The following OR2L13 variants were observed in gnomAD, a reference collection of about 807,000 sequenced individuals.
OR2L13 encodes the protein olfactory receptor 2L13.
A neutral mutation model predicts 15.3 loss-of-function variants in OR2L13; 14 were observed. That is an observed-to-expected ratio of 0.91 (90% CI 0.60 to 1.43). The LOEUF is 1.43. OR2L13 is among the 40% of genes most tolerant of loss of function. The pLI is 0.00. For missense variants in OR2L13, 367 were observed against 387.9 expected (o/e 0.95, Z 0.45); for synonymous variants, 152 against 142.9 (o/e 1.06, Z -0.45).
At chr1:248,009,905 A>G in the OR2L13 span, among the ~76,000 whole-genome samples, 1 of 152,198 alleles carries the variant, frequency 6.6e-6, no homozygotes, top group Non-Finnish European at 1.5e-5. Context: ...AACAGAACTA[A>G]TGACAAAACC....
chr1:248,090,741 G>A (rs1232554361), upstream of OR2L13, among the ~76,000 whole-genome samples: 4 of 152,190 alleles, frequency 2.6e-5, no homozygotes, highest in East Asian at 1.9e-4. Context: ...GTGCTGTGAT[G>A]AACATACATG....
chr1:248,018,455 T>G, the OR2L13 span, among the ~76,000 whole-genome samples: 1 of 152,156 alleles, frequency 6.6e-6, no homozygotes, highest in Non-Finnish European at 1.5e-5. Flanking sequence ...TTAATGCTGA[T>G]CTCATACTGT....
the OR2L13 span, among the ~76,000 whole-genome samples, chr1:247,959,994 C>G: frequency 6.6e-6 from 1 of 152,190 alleles, no homozygotes; most frequent in Admixed American, 6.5e-5. Flanking sequence ...GAACTGCGTT[C>G]CTTTGGAGGA....
At chr1:248,038,777 C>T in the OR2L13 span, 1 of 1,614,138 alleles carries the variant, frequency 6.2e-7, no homozygotes, top group Non-Finnish European at 8.5e-7. Flanking sequence ...ATTGCAAGTC[C>T]AGAGCCATCA....
At chr1:248,062,896 C>T in the OR2L13 span, 1 of 152,068 alleles carries the variant, frequency 6.6e-6, no homozygotes, top group Non-Finnish European at 1.5e-5. Flanking sequence ...AATAAAAGAA[C>T]CAGTTCACTG....
the OR2L13 span, among the ~76,000 whole-genome samples, chr1:247,967,777 T>C: frequency 6.8e-6 from 1 of 147,342 alleles, no homozygotes; most frequent in Non-Finnish European, 1.5e-5. Context: ...TTGAGAATCC[T>C]AGTATTATTA....
At chr1:248,089,575 T>C in the OR2L13 span, among the ~76,000 whole-genome samples, 4,693 of 152,214 alleles carry the variant, frequency 0.031, 131 homozygotes, top group East Asian at 0.16. Context: ...AATGAGCAAC[T>C]TCATAAGCAA....
chr1:248,016,972 G>C, the OR2L13 span, among the ~76,000 whole-genome samples: 1 of 152,148 alleles, frequency 6.6e-6, no homozygotes, highest in South Asian at 2.1e-4. Flanking sequence ...CATATTGCAA[G>C]TGCCAGTGTG....
At chr1:247,950,958 G>T in the OR2L13 span, among the ~76,000 whole-genome samples, 1 of 152,196 alleles carries the variant, frequency 6.6e-6, no homozygotes, top group Admixed American at 6.5e-5. Context: ...CATATTTGGG[G>T]TGCTGGTTAT....
At chr1:248,052,530 C>T in the OR2L13 span, among the ~76,000 whole-genome samples, 1 of 152,034 alleles carries the variant, frequency 6.6e-6, no homozygotes, top group Admixed American at 6.6e-5. Flanking sequence ...AGGTTGAGGC[C>T]ATGCTGGCTA....
the OR2L13 span, among the ~76,000 whole-genome samples, chr1:248,085,641 G>A: frequency 6.6e-6 from 1 of 151,844 alleles, no homozygotes; most frequent in Non-Finnish European, 1.5e-5. Flanking sequence ...GAAAGCATGG[G>A]AAAAAAAGAA....
the OR2L13 span, among the ~76,000 whole-genome samples, chr1:248,046,571 A>T: frequency 6.6e-6 from 1 of 152,114 alleles, no homozygotes; most frequent in Non-Finnish European, 1.5e-5. Context: ...CATGATCAGA[A>T]CTCATATCTG....
chr1:248,003,184 A>T, the OR2L13 span: 1 of 1,468,704 alleles, frequency 6.8e-7, no homozygotes, highest in Admixed American at 1.7e-5. Flanking sequence ...GGCTGTTCCC[A>T]CCATCAAGAA....
chr1:247,969,119 G>C, the OR2L13 span, among the ~76,000 whole-genome samples: 2 of 152,132 alleles, frequency 1.3e-5, no homozygotes, highest in Non-Finnish European at 2.9e-5. Flanking sequence ...TTTTTCATGT[G>C]TCTGTTTCCT....
chr1:248,026,486 G>A, the OR2L13 span, among the ~76,000 whole-genome samples: 1 of 152,204 alleles, frequency 6.6e-6, no homozygotes, highest in Non-Finnish European at 1.5e-5. Context: ...TGCTATGATT[G>A]TAGCCTTCCA....
chr1:247,963,852 C>T, the OR2L13 span, among the ~76,000 whole-genome samples: 3 of 152,034 alleles, frequency 2.0e-5, no homozygotes, highest in African/African-American at 7.2e-5. Context: ...TATTCTGCAT[C>T]TTACTTTTAT....
chr1:248,062,458 A>C, the OR2L13 span: 16 of 152,240 alleles, frequency 1.1e-4, 1 homozygote, highest in South Asian at 1.9e-3. Context: ...TGTTGTCAAA[A>C]ATCAGTTGCA....
At chr1:247,993,178 G>A in the OR2L13 span, among the ~76,000 whole-genome samples, 1 of 152,052 alleles carries the variant, frequency 6.6e-6, no homozygotes, top group African/African-American at 2.4e-5. Context: ...CTTCTTCACA[G>A]ATGTGTCTGT....
chr1:248,095,607 C>T (rs1330847295), upstream of OR2L13, among the ~76,000 whole-genome samples: 110 of 37,302 alleles, frequency 2.9e-3, 1 homozygote, highest in South Asian at 7.3e-3. Flanking sequence ...AAAGCTGCTG[C>T]TTTTTTTTTT....
Sources: allele counts gnomAD v4.1 joint callset (sites outside exome capture counted in the v4.1 genomes callset), GRCh38; gene constraint gnomAD v4.1.1; transcripts MANE v1.5; gene names NCBI Gene and HGNC (gene_info 2026-07-23, HGNC 2026-07-21).